The following KCNH8 variants were observed in gnomAD, a reference collection of about 807,000 sequenced individuals.
KCNH8 encodes potassium voltage-gated channel subfamily H member 8, also known as voltage-gated delayed rectifier potassium channel KCNH8.
A neutral mutation model predicts 103.6 loss-of-function variants in KCNH8; 70 were observed. The observed-to-expected ratio is 0.68, with a 90% CI of 0.56 to 0.82. The LOEUF (loss-of-function observed/expected upper bound fraction) is 0.82. Among genes scored for constraint, KCNH8 ranks in the 40% least tolerant of loss-of-function variants. The pLI is 0.00. For synonymous variants in KCNH8, 498 were observed against 489.4 expected, an observed-to-expected ratio of 1.02 and a Z score of -0.23; for missense variants, 1,217 against 1,329.9, an observed-to-expected ratio of 0.92 and a Z score of 1.32.
chr3:19,215,234 C>G (rs112170237), intron 1 of KCNH8, among the ~76,000 whole-genome samples: 2,984 of 152,296 alleles, frequency 0.02, 92 homozygotes, highest in African/African-American at 0.066. Context: ...TACTAAGGTA[C>G]AGAAACTAAG....
At position 19,342,646 on chromosome 3, in the gene KCNH8, C is replaced by T. The variant is rs774446919; in HGVS notation, c.502C>T (p.Arg168Ter). ...CTTTGACTCAGCCCGGAGACGGAGT[C>T]GAGCAGTCCTTTATCACATCTCTGG... is the stretch of plus-strand genomic sequence containing the variant. Reference protein sequence around the residue: ...THFDSARRRSRAVLYHISGHL... With the variant: ...THFDSARRRS Residue 168 changes from arginine to a stop codon, truncating the protein, a stop_gained, in exon 4 of 16, where the codon CGA (arginine) becomes TGA (stop). Coordinates refer to ENST00000328405, the MANE Select transcript of KCNH8 (RefSeq NM_144633.3). LOFTEE classifies it high-confidence loss of function. 3 of 1,610,938 alleles carry T rather than the reference C, an allele frequency of 1.9e-6. No individual in the cohort carries two copies. Among genetic ancestry groups the T allele is most frequent in the East Asian group, 2.2e-5 (1 of 44,762 alleles).
chr3:19,359,960 G>T (rs1242210927), intron 5 of KCNH8, among the ~76,000 whole-genome samples: 1 of 151,940 alleles, frequency 6.6e-6, no homozygotes, highest in Non-Finnish European at 1.5e-5. Context: ...TTTGAGTTTT[G>T]AGCAGTATAA....
chr3:19,150,089 T>TA (rs2063113865), intron 1 of KCNH8, among the ~76,000 whole-genome samples: 2 of 152,334 alleles, frequency 1.3e-5, no homozygotes, highest in South Asian at 4.1e-4. Context: ...TAAGTGTTTT[T>TA]ATCTTTACAT....
chr3:19,487,168 C>T (rs2125220408), intron 11 of KCNH8, among the ~76,000 whole-genome samples: 1 of 152,288 alleles, frequency 6.6e-6, no homozygotes, highest in African/African-American at 2.4e-5. Flanking sequence ...TCCAAGTGTA[C>T]TGAGTAGTCA....
In KCNH8 at chr3:19,195,933, C is replaced by A. The variant is rs1006383036; in HGVS notation, c.76+47138C>A. On this transcript the variant is annotated intron_variant, in intron 1 of 15. Transcript: ENST00000328405. ...GTCCTGGTCTTTTTTCAGTTTGCAT[C>A]TTCTTCTAGCCTTCTTGCAGATTCT... 2.9e-4 allele frequency among the ~76,000 whole-genome samples: 44 copies of A among 151,972 alleles called. 1 individual carries two copies. Among genetic ancestry groups the A allele is most frequent in the African/African-American group, 1.1e-3 (44 of 41,404 alleles).
At chr3:19,497,424 A>G (rs1010673050) in intron 11 of KCNH8, among the ~76,000 whole-genome samples, 3 of 152,170 alleles carry the variant, frequency 2.0e-5, no homozygotes, top group East Asian at 1.9e-4. Flanking sequence ...GCTGTGTCCC[A>G]AAGATTCTGG....
chr3:19,429,229 A>G (rs2125164226), intron 7 of KCNH8, among the ~76,000 whole-genome samples: 1 of 133,886 alleles, frequency 7.5e-6, no homozygotes, highest in East Asian at 2.4e-4. Flanking sequence ...CCTGGAGTGC[A>G]GTGGCGCGAT....
chr3:19,299,317 G>A (rs2065034775), intron 3 of KCNH8, among the ~76,000 whole-genome samples: 1 of 151,976 alleles, frequency 6.6e-6, no homozygotes, highest in African/African-American at 2.4e-5. Context: ...CAGACACAGT[G>A]TCTGATGTGC....
intron 5 of KCNH8, among the ~76,000 whole-genome samples, chr3:19,388,552 G>A (rs73032158): frequency 0.08 from 12,112 of 152,034 alleles, 687 homozygotes; most frequent in Non-Finnish European, 0.13. Flanking sequence ...TCCTATGTGA[G>A]TGCTTTATTA....
In KCNH8 at chr3:19,170,596, A is replaced by C. The variant is rs1345986293; in HGVS notation, c.76+21801A>C. ...CTTCTTGGGGCATCTATATATATAT[A>C]TATATATATATATGTATACACACAC... On this transcript the variant is annotated intron_variant, in intron 1 of 15. Transcript: ENST00000328405. Among the ~76,000 whole-genome samples, 506 of 144,170 alleles carry C rather than the reference A, an allele frequency of 3.5e-3. 8 individuals carry two copies. The highest frequency in any genetic ancestry group is 0.012 in the African/African-American group (454 of 37,906). 94.6% of individuals were successfully genotyped at this position (144,170 alleles called of 152,430 possible).
At chr3:19,245,006 G>A (rs1391389350) in intron 1 of KCNH8, among the ~76,000 whole-genome samples, 2 of 152,026 alleles carry the variant, frequency 1.3e-5, no homozygotes, top group Admixed American at 6.6e-5. Flanking sequence ...AATTCCTTTT[G>A]TGGACTTAGC....
chr3:19,493,389 T>G (rs1323621044), intron 11 of KCNH8, among the ~76,000 whole-genome samples: 3 of 152,110 alleles, frequency 2.0e-5, no homozygotes, highest in Admixed American at 2.0e-4. Context: ...ATGGGGCAGT[T>G]TTCTCCATGC....
At chr3:19,424,985 C>G (rs918925740) in intron 7 of KCNH8, among the ~76,000 whole-genome samples, 6 of 151,336 alleles carry the variant, frequency 4.0e-5, no homozygotes, top group African/African-American at 9.7e-5. Context: ...TTCCCTGTTA[C>G]ACACACACAC....
chr3:19,215,376 C>T (rs921661513), intron 1 of KCNH8, among the ~76,000 whole-genome samples: 4 of 152,282 alleles, frequency 2.6e-5, no homozygotes, highest in Middle Eastern at 3.4e-3. Flanking sequence ...TGAAGTGTTG[C>T]TCAGAGACCT....
chr3:19,481,834 G>A (rs1031706739), intron 11 of KCNH8, among the ~76,000 whole-genome samples: 1 of 152,172 alleles, frequency 6.6e-6, no homozygotes, highest in African/African-American at 2.4e-5. Flanking sequence ...GAAAACTTAT[G>A]GTTGGGTAAG....
chr3:19,396,350 A>G (rs1340023390), intron 7 of KCNH8, among the ~76,000 whole-genome samples: 2 of 152,044 alleles, frequency 1.3e-5, no homozygotes, highest in African/African-American at 4.8e-5. Flanking sequence ...TAGGACATAT[A>G]CAAAGCCTTC....
At chr3:19,359,688 G>C (rs908523449) in intron 5 of KCNH8, among the ~76,000 whole-genome samples, 1 of 151,934 alleles carries the variant, frequency 6.6e-6, no homozygotes, top group Admixed American at 6.6e-5. Flanking sequence ...GCCTCTAGAT[G>C]TTGCCAATTT....
At chr3:19,160,505 C>T (rs1575403890) in intron 1 of KCNH8, among the ~76,000 whole-genome samples, 1 of 152,256 alleles carries the variant, frequency 6.6e-6, no homozygotes, top group South Asian at 2.1e-4. Flanking sequence ...ACTTCCAGTA[C>T]ATAGCAGCTA....
chr3:19,495,711 T>A (rs908064348), intron 11 of KCNH8, among the ~76,000 whole-genome samples: 1 of 151,392 alleles, frequency 6.6e-6, no homozygotes, highest in Non-Finnish European at 1.5e-5. Flanking sequence ...TGTACAAATT[T>A]AAATTTTTTT....
Sources: gnomAD v4.1 joint callset for allele counts (sites outside exome capture counted in the v4.1 genomes callset) on GRCh38, gnomAD v4.1.1 for gene constraint, MANE v1.5 for transcripts, NCBI Gene and HGNC (gene_info 2026-07-23, HGNC 2026-07-21) for gene names.